CDH23: variants seen among roughly 807,000 people sequenced by gnomAD.
The protein encoded by CDH23 is cadherin-23.
In CDH23, 189 loss-of-function variants were observed where a neutral mutation model predicts 317.1. The observed-to-expected ratio is 0.60, with a 90% confidence interval of 0.53 to 0.67. CDH23 has a LOEUF of 0.67. CDH23 is among the 30% of genes least tolerant of loss of function. The pLI, the probability that CDH23 is intolerant of heterozygous loss-of-function variation, is 0.00. For synonymous variants in CDH23, 1,839 were observed against 1,876.8 expected (o/e 0.98, Z 0.52); for missense variants, 4,401 against 4,592.4 (o/e 0.96, Z 1.20).
intron 6 of CDH23, among the ~76,000 whole-genome samples, chr10:71,528,448 C>A (rs1312587841): frequency 1.3e-5 from 2 of 152,254 alleles, no homozygotes; most frequent in African/African-American, 4.8e-5. Context: ...GAGGGCTGAG[C>A]AGTGACTGTC....
intron 13 of CDH23, 126 bp downstream of exon 13, chr10:71,646,106 A>T: frequency 7.8e-7 from 1 of 1,285,038 alleles, no homozygotes; most frequent in Non-Finnish European, 1.1e-6. Flanking sequence ...TGTGGATCTG[A>T]CTCAGATAAG....
intron 3 of CDH23, among the ~76,000 whole-genome samples, chr10:71,480,584 G>T (rs2132113281): frequency 6.6e-6 from 1 of 152,318 alleles, no homozygotes; most frequent in African/African-American, 2.4e-5. Context: ...TTCCAGTGAG[G>T]AGGGCAGAGG....
In CDH23 at chr10:71,484,165, G is replaced by A. The variant is rs1009368513; in HGVS notation, c.146-25917G>A. ...GGGAGGACGCGAGAACAGTCGAGCC[G>A]CTCTTAAATATCTCTCCACGTCGTC... is the stretch of plus-strand genomic sequence containing the variant. On this transcript the variant is annotated intron_variant, in intron 3 of 69. Transcript: ENST00000224721. Among the ~76,000 whole-genome samples, 11 of 152,300 alleles carry A rather than the reference G, an allele frequency of 7.2e-5. No individual in the cohort carries two copies. The Middle Eastern group carries it at 0.01, about 141-fold the overall frequency.
intron 65 of CDH23, 53 bp downstream of exon 65, chr10:71,811,806 C>G (rs1841938584): frequency 6.6e-7 from 1 of 1,508,238 alleles, no homozygotes; most frequent in Non-Finnish European, 8.8e-7. Flanking sequence ...GGCTGGGGAC[C>G]TGGAGTGCCC....
intron 3 of CDH23, among the ~76,000 whole-genome samples, chr10:71,494,699 G>T (rs1294547643): frequency 6.6e-6 from 1 of 152,230 alleles, no homozygotes; most frequent in East Asian, 1.9e-4. Flanking sequence ...GACATTCTCA[G>T]ACTTGTGCAA....
intron 6 of CDH23, among the ~76,000 whole-genome samples, chr10:71,532,706 T>G (rs1855448195): frequency 2.6e-5 from 2 of 75,996 alleles, no homozygotes; most frequent in Non-Finnish European, 5.2e-5. Context: ...TTTTCTTTTG[T>G]TTTTGTTTTT....
intron 11 of CDH23, chr10:71,622,952 C>T: frequency 2.0e-6 from 2 of 985,340 alleles, no homozygotes; most frequent in Non-Finnish European, 2.4e-6. Context: ...GAACCCCTGG[C>T]CTTCCTGAGG....
chr10:71,427,223 A>AAGAAAGAAAGAAAGAG (rs1554823340), intron 1 of CDH23, among the ~76,000 whole-genome samples: 1 of 73,374 alleles, frequency 1.4e-5, no homozygotes, highest in African/African-American at 5.8e-5. Context: ...GAAAGAAAGA[A>AAGAAAGAAAGAAAGAG]AGAAAGAAAG....
Position 71,712,700 on chromosome 10 carries a change from G to A in CDH23, c.3256G>A (p.Ala1086Thr). The A allele has an allele frequency of 6.2e-7, 1 of 1,613,720 alleles. No homozygotes were observed. The highest frequency in any genetic ancestry group is 8.5e-7 in the Non-Finnish European group (1 of 1,179,890). Residue 1086 changes from alanine (A) to threonine (T), a missense_variant, in exon 28 of 70, where the codon GCC becomes ACC. Physicochemically the swap from Ala to Thr is moderately conservative, Grantham distance 58 (BLOSUM62 0). Transcript: ENST00000224721. ...GPVGKRHTGT[A>T]TVFVTVLDVN... ...TGTAGGGAAGCGACACACGGGCACA[G>A]CCACCGTGTTCGTCACTGTCCTGGA...
chr10:71,591,304 T>C lies in CDH23; in HGVS notation c.832+13312T>C, dbSNP rs556586840. The stretch of plus-strand genomic sequence containing the variant: ...GGATGGGGCGTGAAATAACATTGAA[T>C]CACACAAAGAGACGGTTATTCCATT... On this transcript the variant is annotated intron_variant, in intron 9 of 69. Coordinates refer to ENST00000224721, the MANE Select transcript of CDH23 (RefSeq NM_022124.6). 2.0e-5 allele frequency among the ~76,000 whole-genome samples: 3 copies of C among 152,322 alleles called. No homozygotes were observed. The South Asian group carries it at 6.2e-4, about 32-fold the overall frequency.
intron 19 of CDH23, among the ~76,000 whole-genome samples, chr10:71,688,574 T>TGGAGTCAGGGGTG (rs1865007948): frequency 6.9e-4 from 24 of 34,832 alleles, no homozygotes; most frequent in South Asian, 1.1e-3. Flanking sequence ...AGCCAGGGGT[T>TGGAGTCAGGGGTG]GTGGAGTCAG....
In CDH23 at chr10:71,797,219, T is replaced by G. The variant is rs747422281; in HGVS notation, c.6828T>G (p.Asn2276Lys). The change falls in exon 49 of 70, where the codon AAT becomes AAG. Residue 2276 changes from asparagine (N) to lysine (K), a missense_variant and splice_region_variant. Coordinates refer to ENST00000224721, the MANE Select transcript of CDH23 (RefSeq NM_022124.6). ...DLPERSVSVP[N>K]AKLTVNVLDV... ...CAGAGCGCTCTGTCAGTGTGCCAAA[T>G]GGTAAGGTTCCCTGCAGACATCTCT... 6.9e-6 allele frequency: 11 copies of G among 1,604,912 alleles called. No homozygotes were observed. The highest frequency in any genetic ancestry group is 9.4e-6 in the Non-Finnish European group (11 of 1,173,302).
intron 3 of CDH23, among the ~76,000 whole-genome samples, chr10:71,505,139 G>A (rs1161528101): frequency 6.6e-6 from 1 of 152,192 alleles, no homozygotes; most frequent in East Asian, 1.9e-4. Context: ...GAGGTTCCAG[G>A]AAACACAAGT....
At chr10:71,739,599 TCTC>T in intron 35 of CDH23, 42 bp from the exon 36 acceptor site, 1 of 1,597,882 alleles carries the variant, frequency 6.3e-7, no homozygotes, top group Non-Finnish European at 8.5e-7. Context: ...CCTGGCCACC[TCTC>T]CTCCACACCT....
intron 20 of CDH23, among the ~76,000 whole-genome samples, chr10:71,691,935 G>A (rs1865200742): frequency 6.6e-6 from 1 of 152,188 alleles, no homozygotes; most frequent in Non-Finnish European, 1.5e-5. Flanking sequence ...GGGCCACTGT[G>A]AGCCTCCTTT....
At chr10:71,626,491 C>T (rs569345317) in intron 11 of CDH23, among the ~76,000 whole-genome samples, 1 of 152,280 alleles carries the variant, frequency 6.6e-6, no homozygotes, top group Admixed American at 6.5e-5. Flanking sequence ...TTCAACTGAG[C>T]CCCAGAAATG....
At chr10:71,605,186 A>T (rs1239709695) in intron 9 of CDH23, among the ~76,000 whole-genome samples, 1 of 152,138 alleles carries the variant, frequency 6.6e-6, no homozygotes, top group African/African-American at 2.4e-5. Flanking sequence ...TACAACTGTC[A>T]CCACTAGGAA....
intron 1 of CDH23, among the ~76,000 whole-genome samples, chr10:71,436,728 TC>T (rs1466389753): frequency 1.3e-5 from 2 of 152,236 alleles, no homozygotes; most frequent in Admixed American, 1.3e-4. Context: ...ACCGCAAACT[TC>T]CTGCAGCACC....
chr10:71,648,539 G>A (rs910625575), intron 14 of CDH23, among the ~76,000 whole-genome samples: 1 of 152,158 alleles, frequency 6.6e-6, no homozygotes, highest in Admixed American at 6.5e-5. Context: ...AAGTTCCCAT[G>A]GTCCTTGGAA....
Sources: allele counts gnomAD v4.1 joint callset (sites outside exome capture counted in the v4.1 genomes callset), GRCh38; gene constraint gnomAD v4.1.1; transcripts MANE v1.5; gene names NCBI Gene and HGNC (gene_info 2026-07-23, HGNC 2026-07-21).